The following DGKB variants were observed in gnomAD, a reference collection of about 807,000 sequenced individuals.
DGKB encodes the protein 90 kDa diacylglycerol kinase.
Under a neutral mutation model 114.3 loss-of-function variants are expected in DGKB, and 67 were observed. The observed-to-expected ratio is 0.59, with a 90% confidence interval of 0.48 to 0.72. DGKB has a LOEUF of 0.72. Among genes scored for constraint, DGKB ranks in the 30% least tolerant of loss-of-function variants. The probability of loss-of-function intolerance (pLI) is 0.00; values close to 1 mark genes in which losing one functional copy is unlikely to be tolerated. For missense variants in DGKB, 907 were observed against 975.2 expected (o/e 0.93, Z 0.93); for synonymous variants, 398 against 323.1 (o/e 1.23, Z -2.49).
intron 21 of DGKB, among the ~76,000 whole-genome samples, chr7:14,432,747 T>C (rs761345636): frequency 3.4e-4 from 52 of 152,322 alleles, no homozygotes; most frequent in Non-Finnish European, 5.9e-4. Context: ...TTTAGATTTC[T>C]TTAGCTTTAT....
intron 2 of DGKB, among the ~76,000 whole-genome samples, chr7:14,803,720 T>C (rs1183829336): frequency 6.6e-6 from 1 of 152,162 alleles, no homozygotes; most frequent in African/African-American, 2.4e-5. Context: ...GATTTTCCTC[T>C]CTGGCTTCTG....
At chr7:14,241,212 A>G (rs566569069) in intron 23 of DGKB, among the ~76,000 whole-genome samples, 65 of 152,280 alleles carry the variant, frequency 4.3e-4, no homozygotes, top group African/African-American at 1.5e-3. Flanking sequence ...TATATACTGT[A>G]TATAAGACAA....
At chr7:14,828,764 A>T (rs764184279) in intron 2 of DGKB, among the ~76,000 whole-genome samples, 3 of 152,018 alleles carry the variant, frequency 2.0e-5, no homozygotes, top group Non-Finnish European at 4.4e-5. Flanking sequence ...CTGGACAAAG[A>T]CTCTCAAGTC....
chr7:14,598,628 AT>A (rs1211567158), intron 17 of DGKB, among the ~76,000 whole-genome samples: 1 of 152,278 alleles, frequency 6.6e-6, no homozygotes. Context: ...ATTCAGAACT[AT>A]TTTTTGTTTT....
intron 9 of DGKB, among the ~76,000 whole-genome samples, chr7:14,691,586 C>T (rs1272049475): frequency 6.6e-6 from 1 of 152,144 alleles, no homozygotes; most frequent in African/African-American, 2.4e-5. Flanking sequence ...AATTCAACAG[C>T]TCTTTCTAAC....
At chr7:14,239,762 G>A (rs984999775) in intron 23 of DGKB, among the ~76,000 whole-genome samples, 1 of 151,926 alleles carries the variant, frequency 6.6e-6, no homozygotes, top group African/African-American at 2.4e-5. Context: ...AGCCTAAGTG[G>A]TAAAATAAGG....
chr7:14,588,103 T>C lies in DGKB; in HGVS notation c.1434-4966A>G, dbSNP rs557319705. On this transcript the variant is annotated intron_variant, in intron 17 of 25. Transcript: ENST00000402815. ...AAGGTGCACCAATGTACAATGGATG[T>C]GCTCTATTGAATCCATTCTCTTTAA... Among the ~76,000 whole-genome samples, 3 of 152,242 alleles carry C rather than the reference T, an allele frequency of 2.0e-5. No homozygotes were observed. The South Asian group carries it at 6.2e-4, about 32-fold the overall frequency.
chr7:14,147,822 G>C lies in DGKB; in HGVS notation c.*1309C>G, dbSNP rs868475972. 1.3e-5 allele frequency: 2 copies of C among 152,578 alleles called. No homozygotes were observed. Among genetic ancestry groups the C allele is most frequent in the South Asian group, 2.1e-4 (1 of 4,826 alleles). 9.5% of individuals were successfully genotyped at this position (152,578 alleles called of 1,614,324 possible). ...AATGAAACACTAAAAGAAAAGTACT[G>C]TTCTGTGATTTCTTTAAACAGTCAG... is the stretch of plus-strand genomic sequence containing the variant. On this transcript the variant is annotated 3_prime_UTR_variant, in exon 26 of 26. Transcript: ENST00000402815.
At chr7:14,948,061 G>C (rs957600025) in intron 1 of DGKB, among the ~76,000 whole-genome samples, 1 of 151,568 alleles carries the variant, frequency 6.6e-6, no homozygotes, top group Admixed American at 6.6e-5. Context: ...TAATATATTG[G>C]CGATTTTATT....
At chr7:14,778,410 AT>A (rs1838543639) in intron 2 of DGKB, among the ~76,000 whole-genome samples, 1 of 151,930 alleles carries the variant, frequency 6.6e-6, no homozygotes, top group African/African-American at 2.4e-5. Flanking sequence ...AGTCATTTTT[AT>A]GTGCTACACG....
At chr7:14,714,008 T>G (rs748724844) in intron 6 of DGKB, among the ~76,000 whole-genome samples, 3 of 152,018 alleles carry the variant, frequency 2.0e-5, no homozygotes, top group Non-Finnish European at 2.9e-5. Flanking sequence ...ACTCATTGAC[T>G]TTATTTTTAC....
At chr7:14,759,808 T>C (rs1347541651) in intron 2 of DGKB, among the ~76,000 whole-genome samples, 1 of 152,146 alleles carries the variant, frequency 6.6e-6, no homozygotes, top group Non-Finnish European at 1.5e-5. Context: ...AGTAACTCTA[T>C]GTTTAGTGTT....
chr7:14,501,620 C>T (rs1217625540), intron 20 of DGKB, among the ~76,000 whole-genome samples: 1 of 151,844 alleles, frequency 6.6e-6, no homozygotes, highest in African/African-American at 2.4e-5. Context: ...GGAAGCTGAA[C>T]TGAGTTAAAA....
intron 21 of DGKB, among the ~76,000 whole-genome samples, chr7:14,444,036 T>C (rs1285517695): frequency 6.6e-6 from 1 of 151,906 alleles, no homozygotes; most frequent in Admixed American, 6.6e-5. Context: ...TATTTATCAG[T>C]CCTCTATTGT....
chr7:14,894,851 C>T (rs547609268), intron 1 of DGKB, among the ~76,000 whole-genome samples: 1 of 151,702 alleles, frequency 6.6e-6, no homozygotes, highest in South Asian at 2.1e-4. Context: ...ACAGTCCTCC[C>T]ATAAATGGCT....
chr7:14,558,542 T>C (rs925752076), intron 20 of DGKB, among the ~76,000 whole-genome samples: 1 of 152,086 alleles, frequency 6.6e-6, no homozygotes, highest in African/African-American at 2.4e-5. Context: ...TTCTGCTTTT[T>C]TAAAAAAAAC....
At chr7:14,255,163 T>C (rs1795782069) in intron 23 of DGKB, among the ~76,000 whole-genome samples, 1 of 152,228 alleles carries the variant, frequency 6.6e-6, no homozygotes, top group Non-Finnish European at 1.5e-5. Flanking sequence ...CTCCATTGCC[T>C]GGGTAAGAAG....
At chr7:14,470,854 G>C (rs1409241599) in intron 21 of DGKB, among the ~76,000 whole-genome samples, 1 of 151,508 alleles carries the variant, frequency 6.6e-6, no homozygotes, top group Admixed American at 6.6e-5. Flanking sequence ...CATGATGTAA[G>C]ACAATTTGAA....
intron 25 of DGKB, among the ~76,000 whole-genome samples, chr7:14,164,722 T>C (rs1176052697): frequency 6.6e-6 from 1 of 152,228 alleles, no homozygotes; most frequent in East Asian, 1.9e-4. Flanking sequence ...TGTCAAATAC[T>C]GTCCCACTGT....
Sources: gnomAD v4.1 joint callset for allele counts (sites outside exome capture counted in the v4.1 genomes callset) on GRCh38, gnomAD v4.1.1 for gene constraint, MANE v1.5 for transcripts, NCBI Gene and HGNC (gene_info 2026-07-23, HGNC 2026-07-21) for gene names.